SLC6A5: variants seen among roughly 807,000 people sequenced by gnomAD.
SLC6A5 encodes solute carrier family 6 member 5.
SLC6A5 carries 58 observed loss-of-function variants against 90.5 expected under a neutral mutation model. That is an observed-to-expected ratio of 0.64 (90% confidence interval 0.52 to 0.80). The LOEUF (loss-of-function observed/expected upper bound fraction) is 0.80. Among genes scored for constraint, SLC6A5 ranks in the 30% least tolerant of loss-of-function variants. The pLI is 0.00. For missense variants in SLC6A5, 1,015 were observed against 1,017.6 expected (o/e 1.00, Z 0.03); for synonymous variants, 427 against 401.4 (o/e 1.06, Z -0.76).
intron 9 of SLC6A5, among the ~76,000 whole-genome samples, chr11:20,628,570 G>A (rs899698829): frequency 2.6e-5 from 4 of 152,162 alleles, no homozygotes; most frequent in East Asian, 1.9e-4. Context: ...ATACAGTCAC[G>A]TTATGAGATG....
intron 5 of SLC6A5, among the ~76,000 whole-genome samples, chr11:20,608,668 G>C (rs768824494): frequency 2.8e-4 from 42 of 152,276 alleles, no homozygotes; most frequent in Non-Finnish European, 4.3e-4. Flanking sequence ...TCTTTCCCCA[G>C]TAGATCTGTT....
intron 14 of SLC6A5, 87 bp from the exon 15 acceptor site, chr11:20,652,202 C>T: frequency 4.0e-6 from 5 of 1,237,070 alleles, no homozygotes; most frequent in Non-Finnish European, 6.0e-6. Context: ...ACGAAAGCAT[C>T]AAACTCATAA....
chr11:20,644,440 G>A lies in SLC6A5; in HGVS notation c.1970-2394G>A, dbSNP rs138470735. Among the ~76,000 whole-genome samples the A allele has an allele frequency of 5.9e-3, 894 of 152,254 alleles. 5 individuals are homozygous for A. The highest frequency in any genetic ancestry group is 0.02 in the African/African-American group (845 of 41,528). Reference sequence around the variant, plus strand: ...ACTCTTTCAAAAGGCTGAATGGTACGCCGTTGTGTATGTACACCACACATT... The same window carrying A: ...ACTCTTTCAAAAGGCTGAATGGTACACCGTTGTGTATGTACACCACACATT... On this transcript the variant is annotated intron_variant, in intron 13 of 15. Coordinates refer to ENST00000525748, the MANE Select transcript of SLC6A5 (RefSeq NM_004211.5).
intron 2 of SLC6A5, among the ~76,000 whole-genome samples, chr11:20,603,615 G>A (rs1049518272): frequency 5.3e-5 from 8 of 152,198 alleles, no homozygotes; most frequent in South Asian, 2.1e-4. Flanking sequence ...TTTGTTTTCC[G>A]TCTTGTTTCA....
intron 3 of SLC6A5, among the ~76,000 whole-genome samples, chr11:20,605,406 T>C (rs1319254595): frequency 6.6e-6 from 1 of 152,242 alleles, no homozygotes; most frequent in East Asian, 1.9e-4. Flanking sequence ...CATAGGCCAC[T>C]ACTCCCGTCC....
Position 20,652,205 on chromosome 11 carries a change from A to T in SLC6A5, c.2071-84A>T, listed in dbSNP as rs1197702678. 1.0e-5 allele frequency: 13 copies of T among 1,257,588 alleles called. No homozygotes were observed. In the East Asian group the frequency reaches 3.0e-4, roughly 29 times the overall value. The allele number at this position is 1,257,588 out of a possible 1,614,324, so 77.9% of individuals were successfully genotyped here. A position where few individuals can be genotyped will look rare whatever the true frequency, so the allele number is the denominator to read the frequency against. On this transcript the variant is annotated intron_variant, in intron 14 of 15. Coordinates refer to ENST00000525748, the MANE Select transcript of SLC6A5 (RefSeq NM_004211.5). ...AGAATAATAGAGACGAAAGCATCAA[A>T]CTCATAACGGGGGTTTAATAGTGTT...
intron 13 of SLC6A5, among the ~76,000 whole-genome samples, chr11:20,644,489 A>C (rs530130272): frequency 3.3e-5 from 5 of 152,338 alleles, no homozygotes; most frequent in South Asian, 2.1e-4. Context: ...GTTGATGTGC[A>C]CTTATGTTGA....
rs1327407738 is a variant in SLC6A5 at position 20,601,341 on chromosome 11, T to G, written c.216T>G (p.Ala72=). ...CAGCGGACGCGCGAGCCTGCGAGGC[T>G]GAGCGGCCAGGAGTGGGGTCTTGCA... The part of the protein sequence containing the change: ...FQSADARACE[A]ERPGVGSCKL... The change falls in exon 2 of 16, where the codon GCT becomes GCG. Residue 72 remains alanine (A), a synonymous_variant. Transcript: ENST00000525748. 1 of 1,598,668 alleles carries G rather than the reference T, an allele frequency of 6.3e-7. No homozygotes were observed. Among genetic ancestry groups the G allele is most frequent in the Non-Finnish European group, 8.5e-7 (1 of 1,175,440 alleles).
chr11:20,640,031 C>A (rs1332920716), intron 13 of SLC6A5, among the ~76,000 whole-genome samples: 2 of 152,124 alleles, frequency 1.3e-5, no homozygotes, highest in Non-Finnish European at 2.9e-5. Flanking sequence ...TGGTAGAAAC[C>A]CAGTGAAATC....
rs886114197 is a variant in SLC6A5 at position 20,624,596 on chromosome 11, G to A, written c.1261-2112G>A. Among the ~76,000 whole-genome samples the A allele has an allele frequency of 5.9e-5, 9 of 152,272 alleles. No individual in the cohort carries two copies. The East Asian group carries it at 1.2e-3, about 20-fold the overall frequency. On this transcript the variant is annotated intron_variant, in intron 7 of 15. Transcript: ENST00000525748. ...AGGTACTCGAGTCTGTGCAGACAGCGTGCGGCAGGTGCCCTGTGTCCCTCT... is the reference window on the plus strand; with the variant it reads ...AGGTACTCGAGTCTGTGCAGACAGCATGCGGCAGGTGCCCTGTGTCCCTCT...
At chr11:20,600,169 C>A (rs1852430346) in intron 1 of SLC6A5, among the ~76,000 whole-genome samples, 1 of 151,898 alleles carries the variant, frequency 6.6e-6, no homozygotes, top group African/African-American at 2.4e-5. Context: ...AAAGATAACA[C>A]GAGGGGAGAA....
chr11:20,640,562 T>C (rs139318664), intron 13 of SLC6A5, among the ~76,000 whole-genome samples: 199 of 152,266 alleles, frequency 1.3e-3, no homozygotes, highest in African/African-American at 4.5e-3. Context: ...AGAATCAGGT[T>C]GACTCTGTGC....
chr11:20,645,160 A>C (rs1250589252), intron 13 of SLC6A5, among the ~76,000 whole-genome samples: 1 of 152,094 alleles, frequency 6.6e-6, no homozygotes, highest in African/African-American at 2.4e-5. Context: ...TCCATTCTGC[A>C]GAAGGAAAAC....
At position 20,628,054 on chromosome 11, in the gene SLC6A5, T is replaced by C. The variant is rs1027077568; in HGVS notation, c.1470T>C (p.Ser490=). ...GGGGAGGCCTGATCACTCTCTCTTC[T>C]TACAACAAATTCCACAACAACTGCT... ...AAWGGLITLS[S]YNKFHNNCYR... The change falls in exon 9 of 16, where the codon TCT becomes TCC. Residue 490 remains serine, a synonymous_variant. Transcript: ENST00000525748. 6.8e-6 allele frequency: 11 copies of C among 1,614,000 alleles called. No homozygotes were observed. Among genetic ancestry groups the C allele is most frequent in the Non-Finnish European group, 8.5e-6 (10 of 1,179,958 alleles).
chr11:20,605,738 G>C (rs1171355686), intron 3 of SLC6A5, among the ~76,000 whole-genome samples: 2 of 152,182 alleles, frequency 1.3e-5, no homozygotes, highest in East Asian at 1.9e-4. Flanking sequence ...TTCCGGAGGA[G>C]CCAGGCTCTG....
At chr11:20,605,629 G>C (rs954414829) in intron 3 of SLC6A5, among the ~76,000 whole-genome samples, 9 of 152,232 alleles carry the variant, frequency 5.9e-5, no homozygotes, top group Non-Finnish European at 1.2e-4. Flanking sequence ...TCAGGGTAGT[G>C]GATGGGGAGG....
intron 8 of SLC6A5, among the ~76,000 whole-genome samples, 173 bp from the exon 9 acceptor site, chr11:20,627,807 T>G (rs866902193): frequency 6.6e-6 from 1 of 152,170 alleles, no homozygotes. Flanking sequence ...TAATTGACTA[T>G]GCCTTTGGTT....
chr11:20,600,335 G>GGAAGAAGAAGAAGAA lies in SLC6A5; in HGVS notation c.3+723_4-717dup, dbSNP rs55891826. ...AATAGTTACGCAAAAAAGAAGAAGA[G>GGAAGAAGAAGAAGAA]GAAGAAGAAGAAGAAGAAGAAGAAG... is the stretch of plus-strand genomic sequence containing the variant. On this transcript the variant is annotated intron_variant, in intron 1 of 15. Transcript: ENST00000525748. Among the ~76,000 whole-genome samples, 96 of 87,930 alleles carry GGAAGAAGAAGAAGAA rather than the reference G, an allele frequency of 1.1e-3. 2 individuals are homozygous for GGAAGAAGAAGAAGAA. The highest frequency in any genetic ancestry group is 2.0e-3 in the East Asian group (6 of 2,970). The allele number at this position is 87,930 out of a possible 152,430, so 57.7% of individuals were successfully genotyped here.
At chr11:20,652,567 G>T (rs1853563210) in intron 15 of SLC6A5, 111 bp downstream of exon 15, 1 of 1,088,416 alleles carries the variant, frequency 9.2e-7, no homozygotes, top group Non-Finnish European at 1.4e-6. Context: ...GGGAGACTTG[G>T]TGATGAAGCG....
Sources: allele counts gnomAD v4.1 joint callset (sites outside exome capture counted in the v4.1 genomes callset), GRCh38; gene constraint gnomAD v4.1.1; transcripts MANE v1.5; gene names NCBI Gene and HGNC (gene_info 2026-07-23, HGNC 2026-07-21).